The following ANKRD11 variants were observed in gnomAD, a reference collection of about 807,000 sequenced individuals.
ANKRD11 encodes the protein ankyrin repeat domain 11.
Under a neutral mutation model 195.7 loss-of-function variants are expected in ANKRD11, and 17 were observed. That is an observed-to-expected ratio of 0.09 (90% confidence interval 0.06 to 0.13). ANKRD11 has a LOEUF of 0.13. Ranked by LOEUF, ANKRD11 falls within the 10% of genes least tolerant of loss-of-function variation. ANKRD11 has a pLI of 1.00. For synonymous variants in ANKRD11, 1,953 were observed against 1,528.1 expected (o/e 1.28, Z -6.49); for missense variants, 3,735 against 3,566.1 (o/e 1.05, Z -1.21).
At chr16:89,430,976 C>T (rs926846327) in intron 1 of ANKRD11, among the ~76,000 whole-genome samples, 2 of 151,990 alleles carry the variant, frequency 1.3e-5, no homozygotes, top group African/African-American at 4.8e-5. Context: ...GAAACAGAAA[C>T]GGCCACTCCA....
intron 2 of ANKRD11, among the ~76,000 whole-genome samples, chr16:89,334,169 A>AC (rs146788964): frequency 0.44 from 47,077 of 107,204 alleles, 12,590 homozygotes; most frequent in Middle Eastern, 0.62. Context: ...AAAAAAAAAA[A>AC]AAAACAGAGA....
intron 2 of ANKRD11, among the ~76,000 whole-genome samples, chr16:89,349,134 TAAAAA>T (rs59621400): frequency 3.4e-3 from 56 of 16,578 alleles, no homozygotes; most frequent in African/African-American, 0.011. Context: ...TCTCAAAAAG[TAAAAA>T]AAAAAAAAAA....
At chr16:89,380,941 C>T (rs2040616544) in intron 2 of ANKRD11, among the ~76,000 whole-genome samples, 1 of 152,184 alleles carries the variant, frequency 6.6e-6, no homozygotes, top group Non-Finnish European at 1.5e-5. Context: ...ATCCCTGCTT[C>T]CCAGTGTGGG....
At chr16:89,384,077 G>A (rs12935365) in intron 2 of ANKRD11, among the ~76,000 whole-genome samples, 5,921 of 152,178 alleles carry the variant, frequency 0.039, 189 homozygotes, top group Non-Finnish European at 0.059. Context: ...AAAATTAGCC[G>A]GGCGTGGTGG....
In ANKRD11 at chr16:89,383,901, T is replaced by G. The variant is rs553990834; in HGVS notation, c.-60+34383A>C. On this transcript the variant is annotated intron_variant, in intron 2 of 12. Transcript: ENST00000301030. Reference sequence around the variant, plus strand: ...ATACCTCTGTCTCACAAACACCCGCTAGGGCCTTGTCAAACTCACCTCCCA... The same window carrying G: ...ATACCTCTGTCTCACAAACACCCGCGAGGGCCTTGTCAAACTCACCTCCCA... 2.2e-4 allele frequency among the ~76,000 whole-genome samples: 34 copies of G among 152,284 alleles called. No homozygotes were observed. The South Asian group carries it at 5.0e-3, about 22-fold the overall frequency.
chr16:89,288,570 G>A lies in ANKRD11; in HGVS notation c.702C>T (p.Asp234=), dbSNP rs192798250. ...TGGCAGCGTCGTGCAAAGGCGTGTC[G>A]TCATCTAGGCCCTTGGTGTTCACCT... ...GAEVNTKGLD[D]DTPLHDAANN... is the part of the protein sequence containing the mutation. Residue 234 remains aspartate, a synonymous_variant, in exon 7 of 13, where the codon GAC becomes GAT. Transcript: ENST00000301030. 336 of 1,614,146 alleles carry A rather than the reference G, an allele frequency of 2.1e-4. 1 individual carries two copies. Among genetic ancestry groups the A allele is most frequent in the Middle Eastern group, 4.9e-4 (3 of 6,062 alleles).
intron 1 of ANKRD11, among the ~76,000 whole-genome samples, chr16:89,447,311 G>A (rs1008738371): frequency 6.6e-6 from 1 of 152,022 alleles, no homozygotes; most frequent in African/African-American, 2.4e-5. Context: ...TCCCTATCCA[G>A]CGACTTATCA....
chr16:89,452,779 CAAAAAAAAAAA>C (rs11401095), intron 1 of ANKRD11, among the ~76,000 whole-genome samples: 48 of 73,488 alleles, frequency 6.5e-4, no homozygotes, highest in Admixed American at 1.5e-3. Context: ...GACTCTATCT[CAAAAAAAAAAA>C]AAAAAAAAAA....
intron 1 of ANKRD11, among the ~76,000 whole-genome samples, chr16:89,423,988 A>G (rs915651825): frequency 2.6e-5 from 4 of 152,164 alleles, no homozygotes; most frequent in Non-Finnish European, 4.4e-5. Flanking sequence ...ACGGCGTACA[A>G]CGGGATAATG....
intron 1 of ANKRD11, among the ~76,000 whole-genome samples, chr16:89,456,259 G>T (rs1350434835): frequency 6.6e-6 from 1 of 150,780 alleles, no homozygotes; most frequent in African/African-American, 2.4e-5. Context: ...AGGGGGGGTG[G>T]AAACGGGGGC....
At position 89,280,978 on chromosome 16, in the gene ANKRD11, T is replaced by G; in HGVS notation, c.5564A>C (p.Tyr1855Ser). ...CLSPGYYSPD[Y>S]GLPSPKVDAL... ...GTCGACTTTGGGCGACGGGAGGCCATAGTCTGGGGAGTAGTACCCTGGCGA... is the reference window on the plus strand; with the variant it reads ...GTCGACTTTGGGCGACGGGAGGCCAGAGTCTGGGGAGTAGTACCCTGGCGA... Residue 1855 changes from tyrosine to serine, a missense_variant, in exon 9 of 13, where the codon TAT becomes TCT. Tyr to Ser is a moderately radical substitution (Grantham distance 144). Coordinates refer to ENST00000301030, the MANE Select transcript of ANKRD11 (RefSeq NM_013275.6). 1 of 1,571,072 alleles carries G rather than the reference T, an allele frequency of 6.4e-7. No homozygotes were observed. The highest frequency in any genetic ancestry group is 8.6e-7 in the Non-Finnish European group (1 of 1,156,138).
intron 4 of ANKRD11, among the ~76,000 whole-genome samples, chr16:89,304,053 C>T (rs1246007850): frequency 1.3e-5 from 2 of 152,238 alleles, no homozygotes; most frequent in Non-Finnish European, 2.9e-5. Context: ...TGCTCTACTG[C>T]CTCCAACCTT....
intron 1 of ANKRD11, among the ~76,000 whole-genome samples, chr16:89,444,702 T>A (rs563049944): frequency 1.3e-5 from 2 of 151,876 alleles, no homozygotes; most frequent in African/African-American, 4.8e-5. Context: ...TCCCAGCACT[T>A]TGGAAAACAG....
intron 2 of ANKRD11, chr16:89,361,724 T>G (rs1597787221): frequency 6.6e-6 from 1 of 152,192 alleles, no homozygotes; most frequent in Non-Finnish European, 1.5e-5. Flanking sequence ...GAAATATCAC[T>G]TTCAAGCTTA....
intron 6 of ANKRD11, among the ~76,000 whole-genome samples, chr16:89,289,895 C>A (rs2034910554): frequency 6.6e-6 from 1 of 152,180 alleles, no homozygotes; most frequent in Non-Finnish European, 1.5e-5. Flanking sequence ...AAAAAATTAG[C>A]CAGGCATGGT....
At chr16:89,396,958 GGGA>G (rs56368404) in intron 2 of ANKRD11, among the ~76,000 whole-genome samples, 78,733 of 151,712 alleles carry the variant, frequency 0.52, 20,971 homozygotes, top group Middle Eastern at 0.72. Flanking sequence ...GAGCACTGGT[GGGA>G]TTATAGGCAT....
Position 89,281,092 on chromosome 16 carries a change from G to C in ANKRD11, c.5450C>G (p.Ala1817Gly), listed in dbSNP as rs2034194646. The C allele has an allele frequency of 1.2e-5, 20 of 1,609,738 alleles. No homozygotes were observed. The highest frequency in any genetic ancestry group is 1.5e-5 in the Non-Finnish European group (18 of 1,176,640). Reference protein sequence around the residue: ...DKLFRQQSVPAASSYDSPMPP... With the variant: ...DKLFRQQSVPGASSYDSPMPP... ...CATGGGAGAGTCGTAGCTGGAGGCA[G>C]CAGGAACGCTCTGCTGCCTGAAGAG... The change falls in exon 9 of 13, where the codon GCT becomes GGT. Residue 1817 changes from alanine (A) to glycine (G), a missense_variant. Ala to Gly is a moderately conservative substitution (Grantham distance 60). Transcript: ENST00000301030. The surrounding 1 kb of genome is among the most constrained non-coding windows in gnomAD (Gnocchi z 5.5).
intron 1 of ANKRD11, chr16:89,459,000 C>A (rs1171498077): frequency 6.5e-6 from 1 of 152,964 alleles, no homozygotes; most frequent in African/African-American, 2.4e-5. Flanking sequence ...CCCAGATTCA[C>A]AGTGGTGAAC....
At chr16:89,388,515 C>T (rs1205563349) in intron 2 of ANKRD11, among the ~76,000 whole-genome samples, 3 of 151,910 alleles carry the variant, frequency 2.0e-5, no homozygotes, top group Non-Finnish European at 4.4e-5. Flanking sequence ...TGCTGTCGAA[C>T]GCACACACGT....
Sources: gnomAD v4.1 joint callset for allele counts (sites outside exome capture counted in the v4.1 genomes callset) on GRCh38, gnomAD v4.1.1 for gene constraint, Gnocchi (gnomAD v3.1) non-coding constraint, MANE v1.5 for transcripts, NCBI Gene and HGNC (gene_info 2026-07-23, HGNC 2026-07-21) for gene names.